Variants in TSC2 observed in about 807,000 individuals in gnomAD.
The protein encoded by TSC2 is TSC complex subunit 2, also known as tuberin.
In TSC2, 29 loss-of-function variants were observed where a neutral mutation model predicts 202.2. That is an observed-to-expected ratio of 0.14 (90% CI 0.11 to 0.20). TSC2 has a LOEUF of 0.20. TSC2 is among the 10% of genes least tolerant of loss of function. The pLI, the probability that TSC2 is intolerant of heterozygous loss-of-function variation, is 1.00. For missense variants in TSC2, 2,429 were observed against 2,420.0 expected (o/e 1.00, Z -0.08); for synonymous variants, 1,349 against 1,044.0 (o/e 1.29, Z -5.63).
chr16:2,071,746 C>T (rs750055455), intron 18 of TSC2, 38 bp from the exon 19 acceptor site: 65 of 1,599,818 alleles, frequency 4.1e-5, no homozygotes, highest in South Asian at 2.1e-4. Context: ...GTTCCTGCTG[C>T]GGGGACTTGG....
intron 14 of TSC2, 187 bp from the exon 15 acceptor site, chr16:2,064,085 G>C: frequency 1.2e-6 from 1 of 850,432 alleles, no homozygotes; most frequent in Non-Finnish European, 1.9e-6. Context: ...AGCTGGACAG[G>C]ATCCCTGGAA....
At chr16:2,064,208 G>C (rs2086996221) in intron 14 of TSC2, 64 bp from the exon 15 acceptor site, 1 of 1,612,378 alleles carries the variant, frequency 6.2e-7, no homozygotes, top group Non-Finnish European at 8.5e-7. Context: ...TGAGGAATTG[G>C]AAGTGTCACG....
intron 3 of TSC2, among the ~76,000 whole-genome samples, chr16:2,051,374 GCTCT>G (rs1432307981): frequency 6.6e-6 from 1 of 151,772 alleles, no homozygotes; most frequent in Non-Finnish European, 1.5e-5. Flanking sequence ...ATGCTCACTC[GCTCT>G]CTCCTGTTAC....
rs745341634 is a variant in TSC2 at position 2,089,409 on chromosome 16, C to T, written c.*799C>T. ...AGCCAGCAGCCTTAGCAGTGGGGGACATCTGCCCAGGGGGTGGGGCCGGGC... is the reference window on the plus strand; with the variant it reads ...AGCCAGCAGCCTTAGCAGTGGGGGATATCTGCCCAGGGGGTGGGGCCGGGC... On this transcript the variant is annotated 3_prime_UTR_variant, in exon 42 of 42. Transcript: ENST00000219476. The T allele has an allele frequency of 1.1e-5, 5 of 453,150 alleles. No individual in the cohort carries two copies. The highest frequency in any genetic ancestry group is 5.5e-5 in the South Asian group (2 of 36,432). 28.1% of individuals were successfully genotyped at this position (453,150 alleles called of 1,614,324 possible).
Position 2,080,189 on chromosome 16 carries a change from C to T in TSC2, c.3422C>T (p.Ala1141Val), listed in dbSNP as rs34870424. ...GGGGGCCATGGTCTTCGAGTTGGCG[C>T]CCTGGACGTGCCGGCCTCCCAGTTC... ...MSGGHGLRVGALDVPASQFLG... is the reference protein window; with the variant it reads ...MSGGHGLRVGVLDVPASQFLG... The change falls in exon 30 of 42, where the codon GCC becomes GTC. Residue 1141 changes from alanine to valine, a missense_variant. Ala to Val is a moderately conservative substitution (Grantham distance 64, BLOSUM62 0). Coordinates refer to ENST00000219476, the MANE Select transcript of TSC2 (RefSeq NM_000548.5). 1.0e-3 allele frequency: 1,660 copies of T among 1,612,968 alleles called. 21 individuals are homozygous for T. The African/African-American group carries it at 0.02, about 19-fold the overall frequency.
chr16:2,056,279 C>T, intron 7 of TSC2, 35 bp downstream of exon 7: 2 of 1,613,548 alleles, frequency 1.2e-6, no homozygotes, highest in Non-Finnish European at 8.5e-7. Context: ...CGGCCCATTT[C>T]ACCCTGGTTT....
intron 7 of TSC2, 136 bp downstream of exon 7, chr16:2,056,380 G>A (rs773867705): frequency 7.7e-7 from 1 of 1,296,884 alleles, no homozygotes; most frequent in Non-Finnish European, 1.1e-6. Context: ...TGAGCCTCAG[G>A]AGTCCCCCAT....
At chr16:2,080,699 T>A (rs966137806) in intron 30 of TSC2, 44 of 344,300 alleles carry the variant, frequency 1.3e-4, no homozygotes, top group Middle Eastern at 9.6e-4. Flanking sequence ...TTAGCCAGGA[T>A]GGTCTCAATC....
At chr16:2,048,862 C>T in intron 2 of TSC2, 109 bp downstream of exon 2, 1 of 1,491,184 alleles carries the variant, frequency 6.7e-7, no homozygotes. Context: ...ACTGTCTACA[C>T]AGGAATGCTG....
At chr16:2,056,596 G>A (rs1359386026) in intron 7 of TSC2, 48 bp from the exon 8 acceptor site, 2 of 1,600,916 alleles carry the variant, frequency 1.2e-6, no homozygotes, top group Admixed American at 3.3e-5. Flanking sequence ...CTCTCCTGTG[G>A]GGAGGAGCTG....
intron 20 of TSC2, 75 bp downstream of exon 20, chr16:2,072,438 A>G (rs1288280418): frequency 6.3e-7 from 1 of 1,591,268 alleles, no homozygotes; most frequent in East Asian, 2.2e-5. Context: ...GCCTCTGGGC[A>G]GAGCGAGTGA....
chr16:2,073,998 G>A lies in TSC2; in HGVS notation c.2356-202G>A, dbSNP rs901793540. Reference sequence around the variant, plus strand: ...CTGGGTTCTGTTGGCCTGTGGGATCGTGTCGGAATGCAACTGACCGGAGCA... The same window carrying A: ...CTGGGTTCTGTTGGCCTGTGGGATCATGTCGGAATGCAACTGACCGGAGCA... On this transcript the variant is annotated intron_variant, in intron 21 of 41. Coordinates refer to ENST00000219476, the MANE Select transcript of TSC2 (RefSeq NM_000548.5). 7.8e-4 allele frequency among the ~76,000 whole-genome samples: 119 copies of A among 152,390 alleles called. 1 individual carries two copies. Among genetic ancestry groups the A allele is most frequent in the African/African-American group, 2.7e-3 (111 of 41,600 alleles).
intron 23 of TSC2, 53 bp from the exon 24 acceptor site, chr16:2,076,015 T>C: frequency 6.2e-7 from 1 of 1,613,416 alleles, no homozygotes; most frequent in Non-Finnish European, 8.5e-7. Flanking sequence ...CTTCATGCCC[T>C]GGGGATGTTT....
intron 17 of TSC2, chr16:2,071,275 G>C (rs949308955): frequency 3.4e-6 from 2 of 595,394 alleles, no homozygotes; most frequent in Non-Finnish European, 6.1e-6. Context: ...TGTGGTGGTG[G>C]GGACACCAGG....
chr16:2,087,094 TG>T, intron 38 of TSC2: 1 of 665,158 alleles, frequency 1.5e-6, no homozygotes. Context: ...CAGGAGTAAC[TG>T]GCAAGTGCAG....
rs45443002 is a variant in TSC2, at chr16:2,085,339, G to A, written c.4662+17G>A. The A allele has an allele frequency of 8.9e-5, 143 of 1,612,144 alleles. No homozygotes were observed. The highest frequency in any genetic ancestry group is 2.9e-4 in the East Asian group (13 of 44,892). On this transcript the variant is annotated intron_variant, in intron 36 of 41. Transcript: ENST00000219476. Reference sequence around the variant, plus strand: ...GAAGGCCAGGTGAGGCTGCGGGGCCGGCCTAGGTGCCTGGACAGGGCCAGC... The same window carrying A: ...GAAGGCCAGGTGAGGCTGCGGGGCCAGCCTAGGTGCCTGGACAGGGCCAGC...
Position 2,056,874 on chromosome 16 carries a change from C to G in TSC2, c.774+105C>G, listed in dbSNP as rs2151084362. 3.2e-6 allele frequency: 5 copies of G among 1,560,450 alleles called. No homozygotes were observed. In the South Asian group the frequency reaches 3.4e-5, roughly 10 times the overall value. On this transcript the variant is annotated intron_variant, in intron 8 of 41. Transcript: ENST00000219476. ...TTGTCTGATTCTTGGGGTGGCCAGA[C>G]AATGGCCTGTTGAGGGACGGCCAGT...
intron 16 of TSC2, chr16:2,068,524 G>A (rs2087727089): frequency 6.6e-6 from 1 of 152,180 alleles, no homozygotes; most frequent in Non-Finnish European, 1.5e-5. Flanking sequence ...TTAATGTACA[G>A]CTCGTGTGTT....
At chr16:2,053,512 C>G (rs1567396185) in intron 4 of TSC2, 60 bp downstream of exon 4, 1 of 1,487,368 alleles carries the variant, frequency 6.7e-7, no homozygotes, top group Non-Finnish European at 9.1e-7. Context: ...CTGTCCTGTC[C>G]CTGCTGGGCC....
Sources: allele counts gnomAD v4.1 joint callset (sites outside exome capture counted in the v4.1 genomes callset), GRCh38; gene constraint gnomAD v4.1.1; transcripts MANE v1.5; gene names NCBI Gene and HGNC (gene_info 2026-07-23, HGNC 2026-07-21).